SYNPR: variants seen among roughly 807,000 people sequenced by gnomAD.
SYNPR encodes synaptoporin.
A neutral mutation model predicts 32.9 loss-of-function variants in SYNPR; 23 were observed. The observed-to-expected ratio is 0.70, with a 90% CI of 0.50 to 0.99. The LOEUF (loss-of-function observed/expected upper bound fraction) is 0.99, where lower values mean the gene tolerates loss of function less well. Ranked by LOEUF, SYNPR falls within the 50% of genes least tolerant of loss-of-function variation. SYNPR has a pLI of 0.00. For missense variants in SYNPR, 318 were observed against 349.3 expected (o/e 0.91, Z 0.71); for synonymous variants, 146 against 135.9 (o/e 1.07, Z -0.52).
chr3:63,321,236 T>C (rs1560191387), intron 2 of SYNPR, among the ~76,000 whole-genome samples: 1 of 152,136 alleles, frequency 6.6e-6, no homozygotes, highest in Non-Finnish European at 1.5e-5. Context: ...TCAAGGGCCT[T>C]AGTCCATTTC....
chr3:63,238,764 A>C (rs1251067753), intron 1 of SYNPR, among the ~76,000 whole-genome samples: 1 of 152,172 alleles, frequency 6.6e-6, no homozygotes, highest in East Asian at 1.9e-4. Flanking sequence ...AAAGTGAAAC[A>C]AAATAGAGCC....
intron 2 of SYNPR, among the ~76,000 whole-genome samples, chr3:63,457,384 G>A (rs1190307100): frequency 6.6e-6 from 1 of 150,890 alleles, no homozygotes; most frequent in South Asian, 2.1e-4. Flanking sequence ...TATTCCTTAC[G>A]ATCTTAAGAT....
intron 2 of SYNPR, among the ~76,000 whole-genome samples, chr3:63,345,484 C>T (rs543053631): frequency 3.9e-5 from 6 of 152,198 alleles, no homozygotes; most frequent in Non-Finnish European, 8.8e-5. Context: ...GAAGCCCTCA[C>T]AGGAACTTGC....
intron 4 of SYNPR, among the ~76,000 whole-genome samples, chr3:63,582,936 C>T (rs1256188348): frequency 6.6e-6 from 1 of 152,036 alleles, no homozygotes; most frequent in East Asian, 1.9e-4. Context: ...GTATAGAAGA[C>T]CACCTAAACA....
At chr3:63,596,032 A>C (rs889663240) in intron 4 of SYNPR, among the ~76,000 whole-genome samples, 1 of 146,042 alleles carries the variant, frequency 6.8e-6, no homozygotes, top group Non-Finnish European at 1.5e-5. Context: ...TATAGGGTAC[A>C]TGTGCACAAT....
chr3:63,392,766 CTTTTT>C (rs888047496), intron 2 of SYNPR, among the ~76,000 whole-genome samples: 7 of 151,996 alleles, frequency 4.6e-5, no homozygotes, highest in Non-Finnish European at 8.8e-5. Context: ...GACACATTTT[CTTTTT>C]TATTATTATT....
At chr3:63,392,843 G>T (rs992151865) in intron 2 of SYNPR, among the ~76,000 whole-genome samples, 1 of 152,106 alleles carries the variant, frequency 6.6e-6, no homozygotes, top group African/African-American at 2.4e-5. Flanking sequence ...GAAAAAAACT[G>T]CACTGAAGGC....
At chr3:63,566,594 G>A (rs1457590353) in intron 4 of SYNPR, among the ~76,000 whole-genome samples, 5 of 152,110 alleles carry the variant, frequency 3.3e-5, no homozygotes, top group Non-Finnish European at 7.4e-5. Flanking sequence ...GGCAAAATCT[G>A]TGATGGGGAG....
chr3:63,305,201 A>T (rs2086898441), intron 2 of SYNPR, among the ~76,000 whole-genome samples: 1 of 152,026 alleles, frequency 6.6e-6, no homozygotes, highest in African/African-American at 2.4e-5. Context: ...CTCATGAGTG[A>T]CCTTGAAAGT....
intron 4 of SYNPR, among the ~76,000 whole-genome samples, chr3:63,605,255 C>T (rs1310884119): frequency 2.6e-5 from 4 of 152,060 alleles, no homozygotes; most frequent in Admixed American, 2.6e-4. Flanking sequence ...TAATGAGGAC[C>T]AATTAAGGTG....
intron 2 of SYNPR, among the ~76,000 whole-genome samples, chr3:63,394,864 A>G (rs1334062470): frequency 1.3e-5 from 2 of 152,220 alleles, no homozygotes; most frequent in African/African-American, 4.8e-5. Context: ...CTACTAAAGG[A>G]ATACTGAGTA....
intron 4 of SYNPR, among the ~76,000 whole-genome samples, chr3:63,606,412 C>CTTTT (rs1193196691): frequency 5.3e-5 from 3 of 56,080 alleles, no homozygotes; most frequent in African/African-American, 1.8e-4. Flanking sequence ...GACCTCAAAT[C>CTTTT]CTTTCTTTTT....
chr3:63,507,068 A>G (rs1210377353), intron 3 of SYNPR, among the ~76,000 whole-genome samples: 1 of 151,888 alleles, frequency 6.6e-6, no homozygotes, highest in Non-Finnish European at 1.5e-5. Flanking sequence ...AATCACTTGA[A>G]CCTGGGAGGC....
chr3:63,319,138 C>T (rs1319553999), intron 2 of SYNPR, among the ~76,000 whole-genome samples: 1 of 151,978 alleles, frequency 6.6e-6, no homozygotes, highest in Non-Finnish European at 1.5e-5. Flanking sequence ...CCACGGATAC[C>T]AGTGCTTGTT....
chr3:63,294,896 C>T (rs779791801), intron 2 of SYNPR, among the ~76,000 whole-genome samples: 6 of 152,052 alleles, frequency 3.9e-5, no homozygotes, highest in Non-Finnish European at 7.4e-5. Context: ...GGCTGAGACA[C>T]ATATATGCAA....
At position 63,504,151 on chromosome 3, in the gene SYNPR, T is replaced by A. The variant is rs935575437; in HGVS notation, c.209+23195T>A. On this transcript the variant is annotated intron_variant, in intron 3 of 5. Coordinates refer to ENST00000478300, the MANE Select transcript of SYNPR (RefSeq NM_001130003.2). Reference sequence around the variant, plus strand: ...AATATTTTACCAAAGAATATGCTGATAATGTTTTAAATTATCATATACATC... The same window carrying A: ...AATATTTTACCAAAGAATATGCTGAAAATGTTTTAAATTATCATATACATC... Among the ~76,000 whole-genome samples, 3 of 152,164 alleles carry A rather than the reference T, an allele frequency of 2.0e-5. No individual in the cohort carries two copies. In the East Asian group the frequency reaches 5.8e-4, roughly 29 times the overall value.
intron 2 of SYNPR, among the ~76,000 whole-genome samples, chr3:63,409,793 C>T (rs2088437114): frequency 6.6e-6 from 1 of 152,148 alleles, no homozygotes; most frequent in Non-Finnish European, 1.5e-5. Flanking sequence ...ATTTCAAGCT[C>T]TCTTTTTGAG....
Position 63,357,278 on chromosome 3 carries a change from C to T in SYNPR, c.84+78536C>T, listed in dbSNP as rs141382133. On this transcript the variant is annotated intron_variant, in intron 2 of 5. Transcript: ENST00000478300. ...GAGACCCCTCCCACCCCAGACGTCC[C>T]CTTACCAACATCTCAGGAATCTCCA... 1.1e-3 allele frequency among the ~76,000 whole-genome samples: 167 copies of T among 152,264 alleles called. 2 individuals are homozygous for T. Among genetic ancestry groups the T allele is most frequent in the African/African-American group, 3.9e-3 (162 of 41,556 alleles).
upstream of SYNPR, among the ~76,000 whole-genome samples, chr3:63,227,783 C>T (rs1464281394): frequency 6.6e-6 from 1 of 152,124 alleles, no homozygotes; most frequent in East Asian, 1.9e-4. Flanking sequence ...TCCAGGATTC[C>T]AGCAGTAGTC....
Sources: allele counts gnomAD v4.1 joint callset (sites outside exome capture counted in the v4.1 genomes callset), GRCh38; gene constraint gnomAD v4.1.1; transcripts MANE v1.5; gene names NCBI Gene and HGNC (gene_info 2026-07-23, HGNC 2026-07-21).